Variants in BMF observed in about 807,000 individuals in gnomAD.
The protein encoded by BMF is Bcl2 modifying factor.
Under a neutral mutation model 22.0 loss-of-function variants are expected in BMF, and 10 were observed. That is an observed-to-expected ratio of 0.45 (90% CI 0.28 to 0.77). BMF has a LOEUF of 0.77. Ranked by LOEUF, BMF falls within the 30% of genes least tolerant of loss-of-function variation. The pLI is 0.13. For missense variants in BMF, 206 were observed against 226.8 expected, an observed-to-expected ratio of 0.91 and a Z score of 0.59; for synonymous variants, 87 against 88.1, an observed-to-expected ratio of 0.99 and a Z score of 0.07.
At chr15:40,095,128 A>G (rs963515326) in intron 4 of BMF, among the ~76,000 whole-genome samples, 5 of 152,188 alleles carry the variant, frequency 3.3e-5, no homozygotes, top group African/African-American at 1.2e-4. Flanking sequence ...CCATGGGCCC[A>G]TGAGCCCTCT....
intron 3 of BMF, among the ~76,000 whole-genome samples, chr15:40,105,008 C>G (rs1057478068): frequency 1.3e-5 from 2 of 152,168 alleles, no homozygotes; most frequent in Non-Finnish European, 2.9e-5. Context: ...TCCCTCTTCC[C>G]CGCCTGCCCG....
intron 2 of BMF, among the ~76,000 whole-genome samples, chr15:40,107,702 C>T (rs372568346): frequency 3.1e-4 from 47 of 152,314 alleles, no homozygotes; most frequent in African/African-American, 1.1e-3. Flanking sequence ...CTCCAACCTC[C>T]TCTTCTCAGG....
At position 40,106,454 on chromosome 15, in the gene BMF, C is replaced by T. The variant is rs190038701; in HGVS notation, c.-5-363G>A. On this transcript the variant is annotated intron_variant, in intron 2 of 4. Coordinates refer to ENST00000354670, the MANE Select transcript of BMF (RefSeq NM_001003940.2). This position sits in a 1 kb window ranked among gnomAD's most constrained non-coding sequence, Gnocchi z 4.1. Reference sequence around the variant, plus strand: ...TGCAGGGTACCTGGGAAAATATAAACAAGACTAGCCTCTGTAAGTTGCTGT... The same window carrying T: ...TGCAGGGTACCTGGGAAAATATAAATAAGACTAGCCTCTGTAAGTTGCTGT... 24 of 194,204 alleles carry T rather than the reference C, an allele frequency of 1.2e-4. No homozygotes were observed. The East Asian group carries it at 3.3e-3, about 27-fold the overall frequency. The allele number at this position is 194,204 out of a possible 1,614,324, so 12.0% of individuals were successfully genotyped here.
At chr15:40,104,919 G>A (rs1429904676) in intron 3 of BMF, among the ~76,000 whole-genome samples, 1 of 152,168 alleles carries the variant, frequency 6.6e-6, no homozygotes, top group Admixed American at 6.5e-5. Context: ...AAGACCTCTA[G>A]ACCAGCGCTC....
At chr15:40,097,860 C>T (rs908842718) in intron 4 of BMF, among the ~76,000 whole-genome samples, 13 of 152,276 alleles carry the variant, frequency 8.5e-5, no homozygotes, top group African/African-American at 2.9e-4. Context: ...GGCAGACTCA[C>T]GAAATCCCTG....
intron 4 of BMF, among the ~76,000 whole-genome samples, chr15:40,098,979 C>A (rs2036421239): frequency 6.6e-6 from 1 of 152,224 alleles, no homozygotes; most frequent in African/African-American, 2.4e-5. Flanking sequence ...GGGCCCCCAG[C>A]CCCGGCGCTG....
At chr15:40,107,448 G>C (rs2036610850) in intron 2 of BMF, among the ~76,000 whole-genome samples, 1 of 152,038 alleles carries the variant, frequency 6.6e-6, no homozygotes, top group Non-Finnish European at 1.5e-5. Flanking sequence ...CTATGGTCCT[G>C]TCTGTGCCCT....
intron 4 of BMF, among the ~76,000 whole-genome samples, chr15:40,092,450 G>C (rs1595471663): frequency 7.0e-6 from 1 of 142,376 alleles, no homozygotes; most frequent in Non-Finnish European, 1.5e-5. Context: ...CACACACACA[G>C]ACTCACACAC....
At chr15:40,096,360 A>C (rs904098991) in intron 4 of BMF, among the ~76,000 whole-genome samples, 1 of 152,098 alleles carries the variant, frequency 6.6e-6, no homozygotes, top group Non-Finnish European at 1.5e-5. Context: ...GTGTGTCACC[A>C]GTGTTCCAGA....
chr15:40,102,820 C>G (rs2036506784), intron 4 of BMF, among the ~76,000 whole-genome samples: 1 of 152,140 alleles, frequency 6.6e-6, no homozygotes, highest in Non-Finnish European at 1.5e-5. Context: ...CAGAGTGAGT[C>G]CACACATGGA....
intron 4 of BMF, among the ~76,000 whole-genome samples, chr15:40,103,248 C>T (rs1289073999): frequency 1.3e-5 from 2 of 152,238 alleles, no homozygotes; most frequent in African/African-American, 4.8e-5. Context: ...GGGCTGGGGA[C>T]ACAGTCCCAG....
chr15:40,099,210 T>C (rs1406883158), intron 4 of BMF, among the ~76,000 whole-genome samples: 7 of 152,092 alleles, frequency 4.6e-5, no homozygotes, highest in Non-Finnish European at 8.8e-5. Flanking sequence ...CACTAATAAC[T>C]AGAGAATCCC....
intron 4 of BMF, among the ~76,000 whole-genome samples, chr15:40,094,525 C>T: frequency 6.6e-6 from 1 of 152,138 alleles, no homozygotes; most frequent in African/African-American, 2.4e-5. Context: ...GTTGGATCTC[C>T]CATCAACCTG....
chr15:40,092,792 G>T (rs1040916388), intron 4 of BMF, among the ~76,000 whole-genome samples: 3 of 152,048 alleles, frequency 2.0e-5, no homozygotes, highest in African/African-American at 4.8e-5. Flanking sequence ...GCCTGGGGGG[G>T]TGGAAACTGG....
In BMF at chr15:40,091,899, A is replaced by G. The variant is rs776495770; in HGVS notation, c.454-11T>C. 8.0e-6 allele frequency: 5 copies of G among 622,194 alleles called. No homozygotes were observed. The highest frequency in any genetic ancestry group is 6.9e-5 in the East Asian group (1 of 14,512). The allele number at this position is 622,194 out of a possible 1,614,324, so 38.5% of individuals were successfully genotyped here. ...TTGGTTCTGCTGGTGCTGAAGGGAG[A>G]AAAAAAAAAAAGACCAACATAACTC... On this transcript the variant is annotated splice_polypyrimidine_tract_variant and intron_variant, in intron 4 of 4. Transcript: ENST00000354670.
At chr15:40,108,219 A>AACACACACAC (rs140876953) in intron 2 of BMF, 40 bp downstream of exon 2, 8,233 of 145,054 alleles carry the variant, frequency 0.057, 241 homozygotes, top group South Asian at 0.1. Context: ...AGTGACTAGG[A>AACACACACAC]ACACACACAC....
intron 4 of BMF, among the ~76,000 whole-genome samples, chr15:40,103,756 G>C (rs1453324675): frequency 6.6e-6 from 1 of 152,182 alleles, no homozygotes; most frequent in Non-Finnish European, 1.5e-5. Context: ...CCTTGGCCTG[G>C]TTACCCGTTT....
intron 3 of BMF, 107 bp from the exon 4 acceptor site, chr15:40,104,447 G>A (rs183965985): frequency 3.1e-5 from 44 of 1,433,416 alleles, no homozygotes; most frequent in Non-Finnish European, 3.9e-5. Flanking sequence ...ATCCTCATAT[G>A]AGAAAGGATA....
rs1891811095 is a variant in BMF, at chr15:40,088,169, C to G, written c.*3618G>C. On this transcript the variant is annotated 3_prime_UTR_variant, in exon 5 of 5. Coordinates refer to ENST00000354670, the MANE Select transcript of BMF (RefSeq NM_001003940.2). ...TGGGGTAGAAGGCTAGCAATGCTCC[C>G]AGAGCAGGGAGGGGCACTGGCCACC... is the stretch of plus-strand genomic sequence containing the variant. 1 of 152,646 alleles carries G rather than the reference C, an allele frequency of 6.6e-6. No homozygotes were observed. The highest frequency in any genetic ancestry group is 2.1e-4 in the South Asian group (1 of 4,832). 9.5% of individuals were successfully genotyped at this position (152,646 alleles called of 1,614,324 possible). A position where few individuals can be genotyped will look rare whatever the true frequency, so the allele number is the denominator to read the frequency against.
Sources: gnomAD v4.1 joint callset for allele counts (sites outside exome capture counted in the v4.1 genomes callset) on GRCh38, gnomAD v4.1.1 for gene constraint, Gnocchi (gnomAD v3.1) non-coding constraint, MANE v1.5 for transcripts, NCBI Gene and HGNC (gene_info 2026-07-23, HGNC 2026-07-21) for gene names.